CTNNA2: variants seen among roughly 807,000 people sequenced by gnomAD.
The protein encoded by CTNNA2 is catenin alpha 2, also known as catenin alpha-2.
CTNNA2 carries 42 observed loss-of-function variants against 101.0 expected under a neutral mutation model. That is an observed-to-expected ratio of 0.42 (90% confidence interval 0.32 to 0.54). The LOEUF (loss-of-function observed/expected upper bound fraction) is 0.54, where lower values mean the gene tolerates loss of function less well. Among genes scored for constraint, CTNNA2 ranks in the 20% least tolerant of loss-of-function variants. The pLI is 0.14. For missense variants in CTNNA2, 871 were observed against 1,223.1 expected (o/e 0.71, Z 4.29); for synonymous variants, 450 against 456.4 (o/e 0.99, Z 0.18).
intron 2 of CTNNA2, among the ~76,000 whole-genome samples, chr2:79,698,108 A>G (rs560021468): frequency 7.2e-5 from 11 of 152,200 alleles, no homozygotes; most frequent in African/African-American, 2.2e-4. Context: ...CTGTGATAAC[A>G]TATATGTAAG....
At chr2:79,887,179 A>T (rs1683947010) in intron 6 of CTNNA2, among the ~76,000 whole-genome samples, 1 of 152,160 alleles carries the variant, frequency 6.6e-6, no homozygotes, top group Admixed American at 6.5e-5. Flanking sequence ...ATGAGTTTGA[A>T]GAAGCAAAGC....
At chr2:79,186,844 A>G (rs769291211) in intron 1 of CTNNA2, among the ~76,000 whole-genome samples, 5 of 152,204 alleles carry the variant, frequency 3.3e-5, no homozygotes, top group Non-Finnish European at 7.3e-5. Flanking sequence ...AAGGGTTTTC[A>G]TTGCGCATGA....
intron 9 of CTNNA2, among the ~76,000 whole-genome samples, chr2:80,527,061 G>C (rs1174065037): frequency 2.0e-5 from 3 of 152,322 alleles, no homozygotes; most frequent in Non-Finnish European, 2.9e-5. Flanking sequence ...CACCCTGAGT[G>C]CTCAGGAGAA....
intron 4 of CTNNA2, among the ~76,000 whole-genome samples, chr2:79,408,748 C>T (rs1426491028): frequency 4.0e-5 from 6 of 151,800 alleles, no homozygotes; most frequent in Non-Finnish European, 7.4e-5. Flanking sequence ...TGAATAGTGC[C>T]GCAATAAACA....
rs576240401 is a variant in CTNNA2 at position 79,650,717 on chromosome 2, C to T, written c.-5-835C>T. On this transcript the variant is annotated intron_variant, in intron 1 of 18. Transcript: ENST00000402739. Reference sequence around the variant, plus strand: ...TAGTTACATACATATACATGTGCCACGCTGGTGTGCTGCACCCACTAACTC... The same window carrying T: ...TAGTTACATACATATACATGTGCCATGCTGGTGTGCTGCACCCACTAACTC... Among the ~76,000 whole-genome samples, 1,168 of 150,680 alleles carry T rather than the reference C, an allele frequency of 7.8e-3. 25 individuals are homozygous for T. Among genetic ancestry groups the T allele is most frequent in the African/African-American group, 0.026 (1,056 of 40,854 alleles).
intron 7 of CTNNA2, chr2:80,162,619 C>T (rs949756863): frequency 1.2e-6 from 2 of 1,611,450 alleles, no homozygotes; most frequent in East Asian, 2.2e-5. Context: ...TAATGTCTAT[C>T]TGCTAGGTAG....
intron 1 of CTNNA2, among the ~76,000 whole-genome samples, chr2:79,625,191 A>G (rs906599710): frequency 1.3e-5 from 2 of 152,180 alleles, no homozygotes; most frequent in Non-Finnish European, 2.9e-5. Flanking sequence ...TGGTGAAGGG[A>G]TATTATAAAA....
intron 1 of CTNNA2, among the ~76,000 whole-genome samples, chr2:79,555,578 A>G (rs1334395461): frequency 6.6e-6 from 1 of 152,280 alleles, no homozygotes; most frequent in Admixed American, 6.5e-5. Flanking sequence ...CTCAAATGCT[A>G]TTAAAACATT....
chr2:80,517,748 G>A (rs573818583), intron 9 of CTNNA2, among the ~76,000 whole-genome samples: 5 of 152,260 alleles, frequency 3.3e-5, no homozygotes, highest in East Asian at 1.9e-4. Flanking sequence ...ACCCCAAATC[G>A]TTTTAATAAC....
chr2:80,211,557 T>G lies in CTNNA2; in HGVS notation c.1057-181654T>G, dbSNP rs749032996. ...TGTAGTATTATTTATGAGGGCTCTA[T>G]TCTGTTCCATTGGTCTATATTTCTG... is the stretch of plus-strand genomic sequence containing the variant. On this transcript the variant is annotated intron_variant, in intron 7 of 18. Coordinates refer to ENST00000402739, the MANE Select transcript of CTNNA2 (RefSeq NM_001282597.3). Among the ~76,000 whole-genome samples, 36 of 152,308 alleles carry G rather than the reference T, an allele frequency of 2.4e-4. 1 individual carries two copies. The highest frequency in any genetic ancestry group is 1.0e-3 in the South Asian group (5 of 4,824).
chr2:80,335,414 C>T (rs1671685833), intron 7 of CTNNA2, among the ~76,000 whole-genome samples: 1 of 152,108 alleles, frequency 6.6e-6, no homozygotes. Flanking sequence ...TTCAGACTGG[C>T]CCCAAATGCC....
intron 1 of CTNNA2, among the ~76,000 whole-genome samples, chr2:79,538,012 G>C (rs1205437800): frequency 1.3e-5 from 2 of 152,010 alleles, no homozygotes; most frequent in African/African-American, 2.4e-5. Flanking sequence ...TGGTGACCCT[G>C]TTCATTCCAA....
At chr2:80,478,570 G>A (rs1298680561) in intron 9 of CTNNA2, among the ~76,000 whole-genome samples, 2 of 151,882 alleles carry the variant, frequency 1.3e-5, no homozygotes, top group African/African-American at 2.4e-5. Context: ...TTTTGTAAAC[G>A]GTGACAGATT....
chr2:80,290,471 T>C lies in CTNNA2; in HGVS notation c.1057-102740T>C, dbSNP rs1286393915. Among the ~76,000 whole-genome samples the C allele has an allele frequency of 2.6e-5, 4 of 152,142 alleles. No individual in the cohort carries two copies. In the East Asian group the frequency reaches 7.8e-4, roughly 30 times the overall value. Reference sequence around the variant, plus strand: ...TGAAACCTCACCATGGTGAGGTTGGTGAGGCTCCCGTGATGCTTTTACTTT... The same window carrying C: ...TGAAACCTCACCATGGTGAGGTTGGCGAGGCTCCCGTGATGCTTTTACTTT... On this transcript the variant is annotated intron_variant, in intron 7 of 18. Coordinates refer to ENST00000402739, the MANE Select transcript of CTNNA2 (RefSeq NM_001282597.3).
chr2:80,452,942 G>C (rs1045708445), intron 9 of CTNNA2, among the ~76,000 whole-genome samples: 3 of 152,220 alleles, frequency 2.0e-5, no homozygotes, highest in Middle Eastern at 3.4e-3. Flanking sequence ...AGTTGGCCAA[G>C]TTATGGTGGG....
At chr2:79,746,453 A>G (rs1350175475) in intron 3 of CTNNA2, among the ~76,000 whole-genome samples, 2 of 152,196 alleles carry the variant, frequency 1.3e-5, no homozygotes, top group Non-Finnish European at 2.9e-5. Flanking sequence ...GGACCATGAA[A>G]TCAGAACAGA....
At chr2:80,370,554 G>A (rs1675349042) in intron 7 of CTNNA2, among the ~76,000 whole-genome samples, 1 of 152,104 alleles carries the variant, frequency 6.6e-6, no homozygotes, top group South Asian at 2.1e-4. Flanking sequence ...GACCAAGGAT[G>A]ACTTAACTAT....
chr2:80,312,484 G>A (rs1382114289), intron 7 of CTNNA2, among the ~76,000 whole-genome samples: 1 of 152,198 alleles, frequency 6.6e-6, no homozygotes, highest in African/African-American at 2.4e-5. Flanking sequence ...AGATGACCAG[G>A]GGAACAGATG....
At chr2:79,997,582 A>G (rs113729679) in intron 7 of CTNNA2, among the ~76,000 whole-genome samples, 2,338 of 152,088 alleles carry the variant, frequency 0.015, 47 homozygotes, top group African/African-American at 0.052. Context: ...TTCTTGTCAC[A>G]GATTTCTTTT....
Sources: gnomAD v4.1 joint callset for allele counts (sites outside exome capture counted in the v4.1 genomes callset) on GRCh38, gnomAD v4.1.1 for gene constraint, MANE v1.5 for transcripts, NCBI Gene and HGNC (gene_info 2026-07-23, HGNC 2026-07-21) for gene names.